ABCA1: variants seen among roughly 807,000 people sequenced by gnomAD.
ABCA1 encodes ATP binding cassette subfamily A member 1.
Under a neutral mutation model 262.5 loss-of-function variants are expected in ABCA1, and 133 were observed. The observed-to-expected ratio is 0.51, with a 90% CI of 0.44 to 0.59. The LOEUF is 0.59. Ranked by LOEUF, ABCA1 falls within the 20% of genes least tolerant of loss-of-function variation. The pLI, the probability that ABCA1 is intolerant of heterozygous loss-of-function variation, is 0.00. For missense variants in ABCA1, 2,452 were observed against 2,777.5 expected (o/e 0.88, Z 2.63); for synonymous variants, 1,022 against 1,043.5 (o/e 0.98, Z 0.40).
chr9:104,831,693 C>CA lies in ABCA1; in HGVS notation c.1643dup (p.Pro549AlafsTer13). The CA allele has an allele frequency of 6.2e-7, 1 of 1,614,210 alleles. No individual in the cohort carries two copies. Among genetic ancestry groups the CA allele is most frequent in the African/African-American group, 1.3e-5 (1 of 75,048 alleles). On this transcript the variant is annotated frameshift_variant, in exon 13 of 50. Transcript: ENST00000374736. LOFTEE classifies it high-confidence loss of function. ...GGATCTTGTACTTGACATGATGGGG[C>CA]AGCTCAATGCTGCCTGGAGTAATTC...
chr9:104,854,413 G>A (rs1366369259), intron 7 of ABCA1, among the ~76,000 whole-genome samples: 1 of 151,976 alleles, frequency 6.6e-6, no homozygotes, highest in Non-Finnish European at 1.5e-5. Context: ...ATAAATGTAT[G>A]TGGTTATAAA....
Position 104,820,015 on chromosome 9 carries a change from C to T in ABCA1, c.3015G>A (p.Glu1005=), listed in dbSNP as rs772707229. Residue 1005 remains glutamate (E), a synonymous_variant, in exon 21 of 50, where the codon GAG becomes GAA. Transcript: ENST00000374736. ...WFYARLKGLS[E]KHVKAEMEQM... Reference sequence around the variant, plus strand: ...GCTCCATCTCCGCCTTCACGTGCTTCTCAGAGAGCCCTTTCAAGCGGGCAT... The same window carrying T: ...GCTCCATCTCCGCCTTCACGTGCTTTTCAGAGAGCCCTTTCAAGCGGGCAT... 2 of 1,614,036 alleles carry T rather than the reference C, an allele frequency of 1.2e-6. No individual in the cohort carries two copies. The highest frequency in any genetic ancestry group is 2.2e-5 in the South Asian group (2 of 91,082).
intron 40 of ABCA1, among the ~76,000 whole-genome samples, 155 bp downstream of exon 40, chr9:104,794,232 C>T (rs1036780572): frequency 6.6e-6 from 1 of 152,224 alleles, no homozygotes; most frequent in African/African-American, 2.4e-5. Context: ...ATGCCACAAC[C>T]AGCTGTGTTG....
chr9:104,825,546 C>T (rs1466758731), intron 17 of ABCA1, 137 bp downstream of exon 17: 5 of 851,034 alleles, frequency 5.9e-6, no homozygotes, highest in Non-Finnish European at 9.8e-6. Flanking sequence ...GCTGCCTGTC[C>T]TTGGACTATC....
intron 9 of ABCA1, among the ~76,000 whole-genome samples, chr9:104,838,035 A>G (rs1833974973): frequency 6.6e-6 from 1 of 152,200 alleles, no homozygotes; most frequent in Admixed American, 6.5e-5. Context: ...AGCAAAAACC[A>G]AAATTTGGGG....
intron 9 of ABCA1, 81 bp downstream of exon 9, chr9:104,840,198 G>A: frequency 6.2e-7 from 1 of 1,610,238 alleles, no homozygotes; most frequent in Non-Finnish European, 8.5e-7. Flanking sequence ...TGCTACAGAG[G>A]GAGGAGATGA....
rs1322059898 is a variant in ABCA1, at chr9:104,793,214, G to A, written c.5593C>T (p.Leu1865Phe). 5 of 1,613,958 alleles carry A rather than the reference G, an allele frequency of 3.1e-6. No individual in the cohort carries two copies. The Admixed American group carries it at 6.7e-5, about 22-fold the overall frequency. The change falls in exon 41 of 50, where the codon CTC (leucine) becomes TTC (phenylalanine). Residue 1865 changes from leucine to phenylalanine, a missense_variant. By Grantham distance (22) the Leu-to-Phe change is conservative (BLOSUM62 0). Coordinates refer to ENST00000374736, the MANE Select transcript of ABCA1 (RefSeq NM_005502.4). ...AMAVEGVVFF[L>F]ITVLIQYRFF... ...CTGTACTGGATCAGAACAGTAATGA[G>A]GAAGAACACCACCCCTTCCACGGCC...
intron 27 of ABCA1, among the ~76,000 whole-genome samples, chr9:104,813,201 T>C (rs1182236756): frequency 6.6e-6 from 1 of 152,148 alleles, no homozygotes; most frequent in Admixed American, 6.5e-5. Context: ...AGTCAGGCAG[T>C]TATATATAAT....
chr9:104,903,820 G>T, intron 1 of ABCA1, 49 bp from the exon 2 acceptor site: 3 of 784,622 alleles, frequency 3.8e-6, no homozygotes, highest in Non-Finnish European at 6.5e-6. Context: ...TTGCTGCAAA[G>T]CCATACACCA....
At position 104,800,636 on chromosome 9, in the gene ABCA1, G is replaced by T. The variant is rs760353214; in HGVS notation, c.4699-52C>A. 6 of 1,535,130 alleles carry T rather than the reference G, an allele frequency of 3.9e-6. No individual in the cohort carries two copies. The Admixed American group carries it at 1.0e-4, about 26-fold the overall frequency. Reference sequence around the variant, plus strand: ...TTGTGACTGTTCACATAGATAAGGGGCAACAGTCAATCTGGAACCTGTGGA... The same window carrying T: ...TTGTGACTGTTCACATAGATAAGGGTCAACAGTCAATCTGGAACCTGTGGA... On this transcript the variant is annotated intron_variant, in intron 34 of 49. Coordinates refer to ENST00000374736, the MANE Select transcript of ABCA1 (RefSeq NM_005502.4).
chr9:104,818,678 C>T lies in ABCA1; in HGVS notation c.3447G>A (p.Val1149=). ...TGCAGCTCACCTTTTTCAGGTATGA[C>T]ACAGTGCTACTACTGTTTCTGCAGG... ...LSSCRNSSST[V]SYLKKEDSVS... Residue 1149 remains valine (V), a synonymous_variant, in exon 23 of 50, where the codon GTG becomes GTA. Coordinates refer to ENST00000374736, the MANE Select transcript of ABCA1 (RefSeq NM_005502.4). 1 of 1,613,150 alleles carries T rather than the reference C, an allele frequency of 6.2e-7. No homozygotes were observed. The highest frequency in any genetic ancestry group is 8.5e-7 in the Non-Finnish European group (1 of 1,180,016).
chr9:104,800,400 C>T (rs1830227888), intron 35 of ABCA1, 110 bp downstream of exon 35: 1 of 1,053,516 alleles, frequency 9.5e-7, no homozygotes, highest in Non-Finnish European at 1.5e-6. Context: ...ATAGTTTGCT[C>T]TTTTCTGTTG....
At chr9:104,842,719 C>T (rs936056167) in intron 8 of ABCA1, among the ~76,000 whole-genome samples, 4 of 152,170 alleles carry the variant, frequency 2.6e-5, no homozygotes, top group African/African-American at 9.7e-5. Context: ...CTCAATCCAG[C>T]ACAATGTCCT....
rs763426573 is a variant in ABCA1 at position 104,824,450 on chromosome 9, G to T, written c.2656+15C>A. Reference sequence around the variant, plus strand: ...CACTAGGTTAAAGAAAGAGCAGGAGGTCAACAGCACTTACTTTCTGATATT... The same window carrying T: ...CACTAGGTTAAAGAAAGAGCAGGAGTTCAACAGCACTTACTTTCTGATATT... On this transcript the variant is annotated intron_variant, in intron 18 of 49. Coordinates refer to ENST00000374736, the MANE Select transcript of ABCA1 (RefSeq NM_005502.4). The T allele has an allele frequency of 3.7e-6, 6 of 1,613,922 alleles. No individual in the cohort carries two copies. The South Asian group carries it at 5.5e-5, about 15-fold the overall frequency.
chr9:104,887,167 A>G (rs1259646982), intron 3 of ABCA1, among the ~76,000 whole-genome samples: 2 of 152,244 alleles, frequency 1.3e-5, no homozygotes, highest in Non-Finnish European at 2.9e-5. Flanking sequence ...AGTCTCAGCT[A>G]TTTGGGAGGC....
At chr9:104,881,327 A>G (rs1838633826) in intron 5 of ABCA1, among the ~76,000 whole-genome samples, 1 of 152,228 alleles carries the variant, frequency 6.6e-6, no homozygotes, top group African/African-American at 2.4e-5. Context: ...TGTCTTAGAA[A>G]GAATACTGGC....
Position 104,816,260 on chromosome 9 carries a change from C to T in ABCA1, c.3621G>A (p.Val1207=). 2 of 1,614,152 alleles carry T rather than the reference C, an allele frequency of 1.2e-6. No individual in the cohort carries two copies. The highest frequency in any genetic ancestry group is 1.3e-5 in the African/African-American group (1 of 75,018). Residue 1207 remains valine, a synonymous_variant, in exon 25 of 50, where the codon GTG becomes GTA. Coordinates refer to ENST00000374736, the MANE Select transcript of ABCA1 (RefSeq NM_005502.4). ...VEDIGHELTY[V]LPYEAAKEGA... is the part of the protein sequence containing the mutation. ...CCTCCTTAGCAGCTTCATATGGCAGCACATAGGTCAGCTCATGCCCTATGT... is the reference window on the plus strand; with the variant it reads ...CCTCCTTAGCAGCTTCATATGGCAGTACATAGGTCAGCTCATGCCCTATGT...
At chr9:104,822,418 T>A in intron 19 of ABCA1, 78 bp downstream of exon 19, 1 of 1,580,998 alleles carries the variant, frequency 6.3e-7, no homozygotes, top group Non-Finnish European at 8.7e-7. Flanking sequence ...TCAGCATGGT[T>A]TCCTAAGGTA....
intron 1 of ABCA1, among the ~76,000 whole-genome samples, chr9:104,920,537 G>GT (rs1842087573): frequency 1.3e-5 from 2 of 151,946 alleles, no homozygotes; most frequent in African/African-American, 2.4e-5. Flanking sequence ...GTTTTGTTTT[G>GT]TTTTTTTGAG....
Sources: allele counts gnomAD v4.1 joint callset (sites outside exome capture counted in the v4.1 genomes callset), GRCh38; gene constraint gnomAD v4.1.1; transcripts MANE v1.5; gene names NCBI Gene and HGNC (gene_info 2026-07-23, HGNC 2026-07-21).